Variants in LRRN3 observed in about 807,000 individuals in gnomAD.
The protein encoded by LRRN3 is leucine rich repeat neuronal 3, also known as leucine-rich repeat neuronal protein 3.
Under a neutral mutation model 40.1 loss-of-function variants are expected in LRRN3, and 15 were observed. That is an observed-to-expected ratio of 0.37 (90% CI 0.25 to 0.58). LRRN3 has a LOEUF of 0.58. Ranked by LOEUF, LRRN3 falls within the 20% of genes least tolerant of loss-of-function variation. LRRN3 has a pLI of 0.72. For synonymous variants in LRRN3, 308 were observed against 297.2 expected (o/e 1.04, Z -0.37); for missense variants, 746 against 837.7 (o/e 0.89, Z 1.35).
At chr7:111,092,559 G>C (rs1307916030) in intron 1 of LRRN3, among the ~76,000 whole-genome samples, 3 of 152,128 alleles carry the variant, frequency 2.0e-5, no homozygotes, top group Non-Finnish European at 2.9e-5. Flanking sequence ...CTAGAAAATA[G>C]TGTGCTCTGG....
At chr7:111,100,400 T>C (rs1490262763) in intron 2 of LRRN3, among the ~76,000 whole-genome samples, 2 of 148,538 alleles carry the variant, frequency 1.3e-5, no homozygotes, top group African/African-American at 4.9e-5. Flanking sequence ...TATATAATAA[T>C]ATGCTTAAAC....
chr7:111,093,256 C>T (rs1797053864), intron 1 of LRRN3, among the ~76,000 whole-genome samples: 1 of 152,132 alleles, frequency 6.6e-6, no homozygotes. Flanking sequence ...GCTTTGCTCG[C>T]TCTGCCTCAA....
intron 1 of LRRN3, among the ~76,000 whole-genome samples, chr7:111,092,453 T>G (rs951250988): frequency 6.6e-6 from 1 of 152,148 alleles, no homozygotes; most frequent in Admixed American, 6.6e-5. Flanking sequence ...CTAATTTCAG[T>G]GAAAGCAGGC....
rs1187011529 is a variant in LRRN3 at position 111,094,856 on chromosome 7, C to T, written c.-441+3352C>T. On this transcript the variant is annotated intron_variant, in intron 1 of 2. Coordinates refer to ENST00000308478, the MANE Select transcript of LRRN3 (RefSeq NM_001099658.2). Reference sequence around the variant, plus strand: ...GGTGCCAGAGGATGGGAAAAAGGAACAGGGATAAATCGGAACGTTTTTCTA... The same window carrying T: ...GGTGCCAGAGGATGGGAAAAAGGAATAGGGATAAATCGGAACGTTTTTCTA... Among the ~76,000 whole-genome samples, 9 of 151,980 alleles carry T rather than the reference C, an allele frequency of 5.9e-5. 1 individual carries two copies. Among genetic ancestry groups the T allele is most frequent in the South Asian group, 2.1e-4 (1 of 4,822 alleles).
chr7:111,095,933 A>G lies in LRRN3; in HGVS notation c.-440-3948A>G, dbSNP rs566285245. Among the ~76,000 whole-genome samples, 11 of 152,008 alleles carry G rather than the reference A, an allele frequency of 7.2e-5. No individual in the cohort carries two copies. In the East Asian group the frequency reaches 1.4e-3, roughly 19 times the overall value. ...CATCCCAACTTACTTTTTGATTTCT[A>G]GAGTCAGACTGAGAGCTCCAGTAGG... is the stretch of plus-strand genomic sequence containing the variant. On this transcript the variant is annotated intron_variant, in intron 1 of 2. Coordinates refer to ENST00000308478, the MANE Select transcript of LRRN3 (RefSeq NM_001099658.2).
At chr7:111,101,125 T>A (rs902197265) in intron 2 of LRRN3, among the ~76,000 whole-genome samples, 3 of 151,526 alleles carry the variant, frequency 2.0e-5, no homozygotes, top group Non-Finnish European at 3.0e-5. Context: ...TCTTTTCACA[T>A]CATCATATTT....
intron 2 of LRRN3, among the ~76,000 whole-genome samples, chr7:111,112,740 C>A (rs182448358): frequency 8.8e-4 from 134 of 152,250 alleles, no homozygotes; most frequent in African/African-American, 3.2e-3. Context: ...CAATCCCATG[C>A]TTATTATAGG....
intron 2 of LRRN3, among the ~76,000 whole-genome samples, chr7:111,108,610 T>G (rs965956180): frequency 3.3e-5 from 5 of 152,194 alleles, no homozygotes; most frequent in Non-Finnish European, 7.4e-5. Context: ...AGAAGAAATT[T>G]ATGATTCTTT....
At chr7:111,112,109 G>A (rs214879) in intron 2 of LRRN3, among the ~76,000 whole-genome samples, 13,213 of 151,120 alleles carry the variant, frequency 0.087, 1,290 homozygotes, top group African/African-American at 0.24. Flanking sequence ...CACCACACCC[G>A]GCTAATTTTT....
rs1278006925 is a variant in LRRN3 at position 111,122,839 on chromosome 7, G to T, written c.67G>T (p.Val23Leu). 6.2e-7 allele frequency: 1 copy of T among 1,613,964 alleles called. No homozygotes were observed. Among genetic ancestry groups the T allele is most frequent in the African/African-American group, 1.3e-5 (1 of 75,038 alleles). ...AGCTATCACTACACTAGTACAAGCT[G>T]TAGATAAAAAAGTGGATTGTCCACG... ...GLAITTLVQA[V>L]DKKVDCPRLC... The change falls in exon 3 of 3, where the codon GTA becomes TTA. Residue 23 changes from valine to leucine, a missense_variant. Val to Leu is a conservative substitution (Grantham distance 32). Transcript: ENST00000308478.
chr7:111,107,668 A>C (rs1798699183), intron 2 of LRRN3, among the ~76,000 whole-genome samples: 1 of 152,154 alleles, frequency 6.6e-6, no homozygotes, highest in African/African-American at 2.4e-5. Flanking sequence ...TATGAAATAC[A>C]ATAGATGCGT....
chr7:111,117,969 G>C (rs566020587), intron 2 of LRRN3, among the ~76,000 whole-genome samples: 1 of 152,018 alleles, frequency 6.6e-6, no homozygotes. Context: ...AAAAGACAGT[G>C]GATTTTAAAT....
intron 2 of LRRN3, among the ~76,000 whole-genome samples, chr7:111,106,775 C>T (rs1798595972): frequency 6.7e-6 from 1 of 149,802 alleles, no homozygotes; most frequent in Admixed American, 6.7e-5. Context: ...AAGACTTCTG[C>T]TGTACCATTT....
rs373072983 is a variant in LRRN3, at chr7:111,115,814, T to A, written c.-358-6601T>A. 1.4e-4 allele frequency among the ~76,000 whole-genome samples: 22 copies of A among 152,056 alleles called. 2 individuals are homozygous for A. The East Asian group carries it at 1.9e-3, about 13-fold the overall frequency. On this transcript the variant is annotated intron_variant, in intron 2 of 2. Coordinates refer to ENST00000308478, the MANE Select transcript of LRRN3 (RefSeq NM_001099658.2). ...TCCCGAGTAGCTGGGACTAGAGATG[T>A]GCACCACCAACTCTAGCACACCTGG...
intron 2 of LRRN3, among the ~76,000 whole-genome samples, chr7:111,118,677 T>C (rs1471514810): frequency 1.3e-5 from 2 of 152,088 alleles, no homozygotes; most frequent in Admixed American, 6.6e-5. Context: ...ATACTATTAT[T>C]ACTTACTTAT....
At chr7:111,101,298 GA>G (rs1797947529) in intron 2 of LRRN3, among the ~76,000 whole-genome samples, 2 of 151,404 alleles carry the variant, frequency 1.3e-5, no homozygotes, top group East Asian at 3.9e-4. Context: ...CCTAGTCATT[GA>G]ACAGAACCTT....
intron 2 of LRRN3, among the ~76,000 whole-genome samples, chr7:111,100,631 T>C (rs1720936652): frequency 6.6e-6 from 1 of 151,088 alleles, no homozygotes. Context: ...TACTTAAACA[T>C]TCTTATTAAT....
intron 1 of LRRN3, chr7:111,097,183 G>C (rs374700625): frequency 1.3e-5 from 2 of 151,766 alleles, no homozygotes; most frequent in South Asian, 2.1e-4. Context: ...TGAAGCTCCT[G>C]GGATCTAATT....
rs1334967710 is a variant in LRRN3 at position 111,122,997 on chromosome 7, C to T, written c.225C>T (p.Leu75=). 2 of 1,613,918 alleles carry T rather than the reference C, an allele frequency of 1.2e-6. No individual in the cohort carries two copies. Residue 75 remains leucine, a synonymous_variant, in exon 3 of 3, where the codon CTC becomes CTT. Transcript: ENST00000308478. The part of the protein sequence containing the change: ...ARLPANTQIL[L]LQTNNIAKIE... ...TGCCAGCTAACACACAGATTCTTCT[C>T]CTACAGACTAACAATATTGCAAAAA...
Sources: gnomAD v4.1 joint callset for allele counts (sites outside exome capture counted in the v4.1 genomes callset) on GRCh38, gnomAD v4.1.1 for gene constraint, MANE v1.5 for transcripts, NCBI Gene and HGNC (gene_info 2026-07-23, HGNC 2026-07-21) for gene names.